The following CEP57L1 variants were observed in gnomAD, a reference collection of about 807,000 sequenced individuals.
The protein encoded by CEP57L1 is centrosomal protein 57 like 1.
Under a neutral mutation model 61.0 loss-of-function variants are expected in CEP57L1, and 37 were observed. That is an observed-to-expected ratio of 0.61 (90% CI 0.47 to 0.80). The LOEUF is 0.80. Ranked by LOEUF, CEP57L1 falls within the 30% of genes least tolerant of loss-of-function variation. The pLI, the probability that CEP57L1 is intolerant of heterozygous loss-of-function variation, is 0.00. For synonymous variants in CEP57L1, 137 were observed against 162.3 expected (o/e 0.84, Z 1.19); for missense variants, 422 against 524.7 (o/e 0.80, Z 1.91).
chr6:109,160,315 A>T (rs993748727), intron 9 of CEP57L1, among the ~76,000 whole-genome samples: 1 of 152,204 alleles, frequency 6.6e-6, no homozygotes, highest in Non-Finnish European at 1.5e-5. Context: ...ACATTCAGCT[A>T]TGAGCATCAG....
At position 109,166,626 on chromosome 6, in the gene CEP57L1, G is replaced by A. The variant is rs751827631; in HGVS notation, c.*3656G>A. Among the ~76,000 whole-genome samples, 1 of 151,990 alleles carries A rather than the reference G, an allele frequency of 6.6e-6. No homozygotes were observed. Among genetic ancestry groups the A allele is most frequent in the East Asian group, 1.9e-4 (1 of 5,184 alleles). On this transcript the variant is annotated 3_prime_UTR_variant, in exon 11 of 11. Transcript: ENST00000517392. ...TGGATCTCCTGACCTCAGGTGATCC[G>A]CCCACCTCAGCCTCCCAAAGTGCTG...
At position 109,171,986 on chromosome 6, in the gene CEP57L1, C is replaced by G. The variant is rs1166753075; in HGVS notation, c.*9016C>G. Among the ~76,000 whole-genome samples the G allele has an allele frequency of 6.6e-6, 1 of 152,046 alleles. No individual in the cohort carries two copies. Among genetic ancestry groups the G allele is most frequent in the South Asian group, 2.1e-4 (1 of 4,818 alleles). ...CTCGGGTGGTCCCCAAGACCACCTT[C>G]AGGATCAGTGATTCACTGGAGGGAC... On this transcript the variant is annotated 3_prime_UTR_variant, in exon 11 of 11. Coordinates refer to ENST00000517392, the MANE Select transcript of CEP57L1 (RefSeq NM_001271852.3).
chr6:109,125,770 A>T (rs933131032), intron 1 of CEP57L1, among the ~76,000 whole-genome samples: 1 of 151,766 alleles, frequency 6.6e-6, no homozygotes, highest in Non-Finnish European at 1.5e-5. Context: ...TTCAACAAAA[A>T]TAAGGATAGT....
intron 1 of CEP57L1, among the ~76,000 whole-genome samples, chr6:109,138,497 C>A (rs1583549813): frequency 6.6e-6 from 1 of 152,266 alleles, no homozygotes; most frequent in East Asian, 1.9e-4. Flanking sequence ...TTTTTGTGCA[C>A]ATCTTTGATT....
chr6:109,145,871 A>T (rs1382343024), intron 2 of CEP57L1, among the ~76,000 whole-genome samples: 2 of 151,952 alleles, frequency 1.3e-5, no homozygotes, highest in East Asian at 3.8e-4. Context: ...TTGAATTAGG[A>T]AAACATTTTA....
chr6:109,100,672 CAAAAA>C (rs539993641), intron 1 of CEP57L1, among the ~76,000 whole-genome samples: 9 of 74,050 alleles, frequency 1.2e-4, no homozygotes, highest in African/African-American at 4.6e-4. Flanking sequence ...GAGATTGTCT[CAAAAA>C]AAAAAAAAAA....
intron 1 of CEP57L1, among the ~76,000 whole-genome samples, chr6:109,125,947 A>T (rs1583475593): frequency 6.6e-6 from 1 of 152,166 alleles, no homozygotes; most frequent in Non-Finnish European, 1.5e-5. Context: ...TAAAACCTGT[A>T]TGTAAAAGTA....
chr6:109,149,436 C>T (rs570152864), intron 3 of CEP57L1, among the ~76,000 whole-genome samples: 5 of 151,982 alleles, frequency 3.3e-5, no homozygotes, highest in Admixed American at 6.6e-5. Flanking sequence ...TGTAGATATG[C>T]GGCATTATTT....
intron 9 of CEP57L1, 78 bp from the exon 10 acceptor site, chr6:109,160,494 C>T (rs1773618352): frequency 1.7e-6 from 2 of 1,163,838 alleles, no homozygotes; most frequent in Admixed American, 2.7e-5. Context: ...TATGATTGAA[C>T]AGAAAATTGC....
intron 1 of CEP57L1, among the ~76,000 whole-genome samples, chr6:109,126,226 A>G (rs1773548100): frequency 6.6e-6 from 1 of 152,228 alleles, no homozygotes; most frequent in Non-Finnish European, 1.5e-5. Flanking sequence ...ATGTTGAGAT[A>G]AGAGACATGA....
chr6:109,128,646 T>C (rs989883308), intron 1 of CEP57L1, among the ~76,000 whole-genome samples: 4 of 152,246 alleles, frequency 2.6e-5, no homozygotes, highest in Non-Finnish European at 5.9e-5. Flanking sequence ...TGATGTGATA[T>C]ACAAAATCCT....
At chr6:109,141,276 C>T (rs902997136) in intron 1 of CEP57L1, among the ~76,000 whole-genome samples, 4 of 149,982 alleles carry the variant, frequency 2.7e-5, no homozygotes, top group Non-Finnish European at 5.9e-5. Context: ...TGTGTAGTGG[C>T]GCAATCTCGG....
intron 1 of CEP57L1, among the ~76,000 whole-genome samples, chr6:109,119,439 G>A (rs932049101): frequency 3.3e-5 from 5 of 152,170 alleles, no homozygotes; most frequent in African/African-American, 7.2e-5. Flanking sequence ...AGTGTTTTAC[G>A]TGTTGACCTC....
rs1773510936 is a variant in CEP57L1 at position 109,159,293 on chromosome 6, A to G, written c.847A>G (p.Ile283Val). 4 of 1,613,966 alleles carry G rather than the reference A, an allele frequency of 2.5e-6. No homozygotes were observed. In the Admixed American group the frequency reaches 5.0e-5, roughly 20 times the overall value. Residue 283 changes from isoleucine to valine, a missense_variant, in exon 9 of 11, where the codon ATC (isoleucine) becomes GTC (valine). Physicochemically the swap from Ile to Val is conservative, Grantham distance 29. Coordinates refer to ENST00000517392, the MANE Select transcript of CEP57L1 (RefSeq NM_001271852.3). ...EKMRQHRDPH[I>V]LQKPFNVTET... is the part of the protein sequence containing the mutation. ...GATGAGGCAACATCGTGACCCACATATCCTTCAGAAACCTTTTAACGTGAC... is the reference window on the plus strand; with the variant it reads ...GATGAGGCAACATCGTGACCCACATGTCCTTCAGAAACCTTTTAACGTGAC...
chr6:109,145,187 A>G (rs1771819635), intron 1 of CEP57L1, 32 bp from the exon 2 acceptor site: 4 of 1,315,990 alleles, frequency 3.0e-6, no homozygotes, highest in East Asian at 2.4e-5. Flanking sequence ...ATAGGAAAGC[A>G]TGATACTATA....
At chr6:109,127,570 T>C (rs1240007651) in intron 1 of CEP57L1, among the ~76,000 whole-genome samples, 3 of 152,078 alleles carry the variant, frequency 2.0e-5, no homozygotes, top group African/African-American at 7.2e-5. Flanking sequence ...GTTTTTTTTT[T>C]CCTTCACTTG....
chr6:109,126,848 G>A (rs960298664), intron 1 of CEP57L1, among the ~76,000 whole-genome samples: 3 of 152,196 alleles, frequency 2.0e-5, no homozygotes, highest in African/African-American at 4.8e-5. Context: ...ATTTGTAAAA[G>A]ATTGGCATTA....
Position 109,167,425 on chromosome 6 carries a change from G to A in CEP57L1, c.*4455G>A, listed in dbSNP as rs1442587538. On this transcript the variant is annotated 3_prime_UTR_variant, in exon 11 of 11. Transcript: ENST00000517392. The stretch of plus-strand genomic sequence containing the variant: ...GGGCTGAGCACTGTGTCTTACGCCT[G>A]TAATCCCAGCACTGTGAGAGGCCGA... 2.6e-5 allele frequency among the ~76,000 whole-genome samples: 4 copies of A among 152,040 alleles called. No individual in the cohort carries two copies. The highest frequency in any genetic ancestry group is 9.7e-5 in the African/African-American group (4 of 41,396).
In CEP57L1 at chr6:109,104,145, A is replaced by G. The variant is rs142914257; in HGVS notation, c.-4+8570A>G. 2.6e-4 allele frequency among the ~76,000 whole-genome samples: 40 copies of G among 151,834 alleles called. No homozygotes were observed. In the South Asian group the frequency reaches 5.6e-3, roughly 21 times the overall value. ...TTTAAAAAAATGTTACATAGAAGAT[A>G]TCTTACTATCTGTAACTTACTTTCT... On this transcript the variant is annotated intron_variant, in intron 1 of 10. Transcript: ENST00000517392.
Sources: gnomAD v4.1 joint callset for allele counts (sites outside exome capture counted in the v4.1 genomes callset) on GRCh38, gnomAD v4.1.1 for gene constraint, MANE v1.5 for transcripts, NCBI Gene and HGNC (gene_info 2026-07-23, HGNC 2026-07-21) for gene names.